IL31: variants seen among roughly 807,000 people sequenced by gnomAD.
The protein encoded by IL31 is interleukin-31.
A neutral mutation model predicts 7.8 loss-of-function variants in IL31; 8 were observed. The ratio of observed to expected loss-of-function variants is 1.02; its 90% CI spans 0.60 to 1.84. The LOEUF is 1.84. Among genes scored for constraint, IL31 ranks in the 40% most tolerant of loss-of-function variants. IL31 has a pLI of 0.00. For synonymous variants in IL31, 87 were observed against 86.5 expected, an observed-to-expected ratio of 1.01 and a Z score of -0.03; for missense variants, 162 against 205.6, an observed-to-expected ratio of 0.79 and a Z score of 1.30.
Position 122,173,912 on chromosome 12 carries a change from G to A in IL31, c.97C>T (p.Arg33Ter), listed in dbSNP as rs371405302. ...ASHTLPVRLL[R>*]PSDDVQKIVE... The stretch of plus-strand genomic sequence containing the variant: ...ATTTTCTGTACATCATCACTTGGTC[G>A]TAGTAAACGGACGGGCAACGTGTGG... The change falls in exon 2 of 3, where the codon CGA (arginine) becomes TGA (stop). Residue 33 changes from arginine to a stop codon, truncating the protein, a stop_gained. Transcript: ENST00000377035. LOFTEE classifies it high-confidence loss of function. 30 of 1,613,942 alleles carry A rather than the reference G, an allele frequency of 1.9e-5. No homozygotes were observed. Among genetic ancestry groups the A allele is most frequent in the Middle Eastern group, 1.6e-4 (1 of 6,084 alleles).
chr12:122,172,823 C>A, intron 2 of IL31, 82 bp from the exon 3 acceptor site: 1 of 1,058,586 alleles, frequency 9.4e-7, no homozygotes, highest in Non-Finnish European at 1.4e-6. Flanking sequence ...CATGCTTCCT[C>A]CGTAACCCGC....
chr12:122,174,014 G>C, intron 1 of IL31, 22 bp from the exon 2 acceptor site: 1 of 1,613,710 alleles, frequency 6.2e-7, no homozygotes, highest in Non-Finnish European at 8.5e-7. Flanking sequence ...ACGATGCCGT[G>C]AGCGCATACA....
At chr12:122,172,813 C>A in intron 2 of IL31, 72 bp from the exon 3 acceptor site, 1 of 1,213,304 alleles carries the variant, frequency 8.2e-7, no homozygotes, top group African/African-American at 1.5e-5. Context: ...TGAATGTTTG[C>A]ATGCTTCCTC....
Position 122,172,360 on chromosome 12 carries a change from C to A in IL31, c.*52G>T. 1 of 1,315,050 alleles carries A rather than the reference C, an allele frequency of 7.6e-7. No homozygotes were observed. Among genetic ancestry groups the A allele is most frequent in the South Asian group, 1.3e-5 (1 of 74,760 alleles). 81.5% of individuals were successfully genotyped at this position (1,315,050 alleles called of 1,614,324 possible). ...AGAGTTCCCACACTTAGCTGTCGGTCATCTTTTTAAGGCTCCTTAAGTTCC... is the reference window on the plus strand; with the variant it reads ...AGAGTTCCCACACTTAGCTGTCGGTAATCTTTTTAAGGCTCCTTAAGTTCC... On this transcript the variant is annotated 3_prime_UTR_variant, in exon 3 of 3. Coordinates refer to ENST00000377035, the MANE Select transcript of IL31 (RefSeq NM_001014336.2).
chr12:122,174,199 G>T lies in IL31; in HGVS notation c.-27C>A, dbSNP rs150682176. On this transcript the variant is annotated 5_prime_UTR_variant, in exon 1 of 3. The change creates a new upstream start codon in the 5' untranslated region. Coordinates refer to ENST00000377035, the MANE Select transcript of IL31 (RefSeq NM_001014336.2). ...GCGAGAGAGAGCAAGGCCAGCTTCA[G>T]TGGGGGCTTCTGGAGCCAGATGTGT... 2.5e-6 allele frequency: 4 copies of T among 1,613,944 alleles called. No individual in the cohort carries two copies. Among genetic ancestry groups the T allele is most frequent in the Middle Eastern group, 1.7e-4 (1 of 6,040 alleles).
intron 2 of IL31, among the ~76,000 whole-genome samples, chr12:122,173,453 G>A (rs1028105804): frequency 6.6e-6 from 1 of 152,188 alleles, no homozygotes; most frequent in Admixed American, 6.5e-5. Context: ...GGAGGCCAAG[G>A]CAGGCGGATC....
rs1185695398 is a variant in IL31 at position 122,172,532 on chromosome 12, A to C, written c.375T>G (p.Ser125=). The C allele has an allele frequency of 2.5e-6, 4 of 1,614,196 alleles. No individual in the cohort carries two copies. In the Admixed American group the frequency reaches 6.7e-5, roughly 27 times the overall value. ...TACATTCATGGGTGTCTGTTGGCAC[A>C]GAAATGTTTGTTTCTGGTGCATCTT... The part of the protein sequence containing the change: ...IFQDAPETNI[S]VPTDTHECKR... Residue 125 remains serine (S), a synonymous_variant, in exon 3 of 3, where the codon TCT becomes TCG. Coordinates refer to ENST00000377035, the MANE Select transcript of IL31 (RefSeq NM_001014336.2).
chr12:122,172,135 A>C lies in IL31; in HGVS notation c.*277T>G. On this transcript the variant is annotated 3_prime_UTR_variant, in exon 3 of 3. Transcript: ENST00000377035. ...ATATCAATAAATTAACATAGCTGCCACCTCCCACCCTCACGAGGGTATAAT... is the reference window on the plus strand; with the variant it reads ...ATATCAATAAATTAACATAGCTGCCCCCTCCCACCCTCACGAGGGTATAAT... 3.2e-6 allele frequency: 1 copy of C among 313,740 alleles called. No homozygotes were observed. The highest frequency in any genetic ancestry group is 5.9e-6 in the Non-Finnish European group (1 of 169,696). 19.4% of individuals were successfully genotyped at this position (313,740 alleles called of 1,614,324 possible). A position where few individuals can be genotyped will look rare whatever the true frequency, so the allele number is the denominator to read the frequency against.
chr12:122,174,178 G>A lies in IL31; in HGVS notation c.-6C>T. ...ATACCTGAGTGAGAGGCCATGGCGAGAGAGAGCAAGGCCAGCTTCAGTGGG... is the reference window on the plus strand; with the variant it reads ...ATACCTGAGTGAGAGGCCATGGCGAAAGAGAGCAAGGCCAGCTTCAGTGGG... On this transcript the variant is annotated 5_prime_UTR_variant, in exon 1 of 3. Transcript: ENST00000377035. The A allele has an allele frequency of 6.2e-7, 1 of 1,614,156 alleles. No homozygotes were observed. The highest frequency in any genetic ancestry group is 8.5e-7 in the Non-Finnish European group (1 of 1,180,038).
intron 1 of IL31, 44 bp from the exon 2 acceptor site, chr12:122,174,036 T>C: frequency 3.7e-6 from 6 of 1,613,294 alleles, no homozygotes; most frequent in Non-Finnish European, 5.1e-6. Flanking sequence ...CACACACCCC[T>C]GCCCACCCTG....
chr12:122,172,888 C>G (rs1953501786), intron 2 of IL31, 147 bp from the exon 3 acceptor site: 2 of 677,544 alleles, frequency 3.0e-6, no homozygotes, highest in South Asian at 3.9e-5. Flanking sequence ...TGTGCCATCA[C>G]CAACCCCATT....
chr12:122,174,194 C>T lies in IL31; in HGVS notation c.-22G>A, dbSNP rs781704694. The T allele has an allele frequency of 3.7e-6, 6 of 1,614,060 alleles. No homozygotes were observed. The South Asian group carries it at 6.6e-5, about 18-fold the overall frequency. ...CCATGGCGAGAGAGAGCAAGGCCAG[C>T]TTCAGTGGGGGCTTCTGGAGCCAGA... is the stretch of plus-strand genomic sequence containing the variant. On this transcript the variant is annotated 5_prime_UTR_variant, in exon 1 of 3. Coordinates refer to ENST00000377035, the MANE Select transcript of IL31 (RefSeq NM_001014336.2).
chr12:122,172,358 G>A lies in IL31; in HGVS notation c.*54C>T. On this transcript the variant is annotated 3_prime_UTR_variant, in exon 3 of 3. Coordinates refer to ENST00000377035, the MANE Select transcript of IL31 (RefSeq NM_001014336.2). ...GCAGAGTTCCCACACTTAGCTGTCG[G>A]TCATCTTTTTAAGGCTCCTTAAGTT... 1 of 1,291,650 alleles carries A rather than the reference G, an allele frequency of 7.7e-7. No homozygotes were observed. The highest frequency in any genetic ancestry group is 1.4e-5 in the South Asian group (1 of 73,984). 80.0% of individuals were successfully genotyped at this position (1,291,650 alleles called of 1,614,324 possible).
chr12:122,172,998 C>G (rs549896048), intron 2 of IL31, among the ~76,000 whole-genome samples: 48 of 152,306 alleles, frequency 3.2e-4, no homozygotes, highest in African/African-American at 1.1e-3. Context: ...AGAACCCACT[C>G]TCACGTGCTC....
intron 1 of IL31, 37 bp downstream of exon 1, chr12:122,174,120 A>T: frequency 6.2e-7 from 1 of 1,614,090 alleles, no homozygotes; most frequent in Non-Finnish European, 8.5e-7. Flanking sequence ...AGATAAGATG[A>T]TGCCCAAGAC....
At chr12:122,173,753 G>A (rs1953510839) in intron 2 of IL31, 91 bp downstream of exon 2, 3 of 1,135,570 alleles carry the variant, frequency 2.6e-6, no homozygotes, top group East Asian at 2.4e-5. Flanking sequence ...CTACAGCCCT[G>A]GTTTCAGGTC....
At chr12:122,173,564 G>T (rs991688620) in intron 2 of IL31, among the ~76,000 whole-genome samples, 22 of 151,940 alleles carry the variant, frequency 1.4e-4, no homozygotes, top group Non-Finnish European at 2.6e-4. Flanking sequence ...CATGCCTGTA[G>T]TCCCAGCTAC....
At position 122,172,174 on chromosome 12, in the gene IL31, G is replaced by A. The variant is rs1953491005; in HGVS notation, c.*238C>T. The A allele has an allele frequency of 6.6e-6, 3 of 451,404 alleles. No individual in the cohort carries two copies. The highest frequency in any genetic ancestry group is 1.2e-5 in the Non-Finnish European group (3 of 250,896). The allele number at this position is 451,404 out of a possible 1,614,324, so 28.0% of individuals were successfully genotyped here. A position where few individuals can be genotyped will look rare whatever the true frequency, so the allele number is the denominator to read the frequency against. Reference sequence around the variant, plus strand: ...CGAGGGTATAATAAGTAAGACTTAAGCCTGCAGAAGAAAAGCATTCCATAA... The same window carrying A: ...CGAGGGTATAATAAGTAAGACTTAAACCTGCAGAAGAAAAGCATTCCATAA... On this transcript the variant is annotated 3_prime_UTR_variant, in exon 3 of 3. Coordinates refer to ENST00000377035, the MANE Select transcript of IL31 (RefSeq NM_001014336.2).
chr12:122,173,007 T>C (rs907448138), intron 2 of IL31, among the ~76,000 whole-genome samples: 5 of 152,090 alleles, frequency 3.3e-5, no homozygotes, highest in African/African-American at 1.2e-4. Flanking sequence ...TCTCACGTGC[T>C]CAGGGTGGTG....
Sources: allele counts gnomAD v4.1 joint callset (sites outside exome capture counted in the v4.1 genomes callset), GRCh38; gene constraint gnomAD v4.1.1; transcripts MANE v1.5; gene names NCBI Gene and HGNC (gene_info 2026-07-23, HGNC 2026-07-21).